Variants in PRIM2 observed in about 807,000 individuals in gnomAD.
PRIM2 encodes DNA primase subunit 2, also known as DNA primase large subunit.
A neutral mutation model predicts 67.3 loss-of-function variants in PRIM2; 39 were observed. The observed-to-expected ratio is 0.58, with a 90% CI of 0.45 to 0.76. PRIM2 has a LOEUF of 0.76. Among genes scored for constraint, PRIM2 ranks in the 30% least tolerant of loss-of-function variants. The pLI is 0.00. For synonymous variants in PRIM2, 143 were observed against 198.7 expected, an observed-to-expected ratio of 0.72 and a Z score of 2.36; for missense variants, 398 against 598.7, an observed-to-expected ratio of 0.66 and a Z score of 3.50.
intron 13 of PRIM2, among the ~76,000 whole-genome samples, chr6:57,644,707 C>T (rs1777304707): frequency 6.6e-6 from 1 of 152,188 alleles, no homozygotes; most frequent in African/African-American, 2.4e-5. Flanking sequence ...TTAGTTAATA[C>T]AAGACAGATG....
At chr6:57,273,564 T>C in the PRIM2 span, among the ~76,000 whole-genome samples, 1 of 152,234 alleles carries the variant, frequency 6.6e-6, no homozygotes, top group Non-Finnish European at 1.5e-5. Flanking sequence ...TCTTTGCCAT[T>C]GGTTCAAACT....
intron 10 of PRIM2, among the ~76,000 whole-genome samples, chr6:57,578,835 C>T (rs1321031716): frequency 5.9e-5 from 9 of 151,596 alleles, no homozygotes; most frequent in Non-Finnish European, 1.2e-4. Flanking sequence ...CGCTACCACG[C>T]CCGGCTAATT....
intron 7 of PRIM2, among the ~76,000 whole-genome samples, chr6:57,487,967 C>T (rs1773792277): frequency 6.6e-6 from 1 of 152,122 alleles, no homozygotes; most frequent in Non-Finnish European, 1.5e-5. Context: ...TTAGTTAATA[C>T]AGTATAGTTT....
chr6:57,366,325 T>A (rs1769356949), intron 5 of PRIM2, among the ~76,000 whole-genome samples: 1 of 152,174 alleles, frequency 6.6e-6, no homozygotes, highest in African/African-American at 2.4e-5. Flanking sequence ...CAAAGTATTT[T>A]AGGGGAAGAA....
chr6:57,418,383 G>GGGTTTT (rs1554336216), intron 7 of PRIM2, among the ~76,000 whole-genome samples: 5 of 47,236 alleles, frequency 1.1e-4, no homozygotes, highest in Non-Finnish European at 2.1e-4. Flanking sequence ...TATGTGTGTG[G>GGGTTTT]TTTTTTTTTT....
At chr6:57,268,588 G>A in the PRIM2 span, among the ~76,000 whole-genome samples, 1 of 151,654 alleles carries the variant, frequency 6.6e-6, no homozygotes, top group East Asian at 1.9e-4. Context: ...GGATATATAT[G>A]TATATATATA....
chr6:57,542,441 G>T lies in PRIM2; in HGVS notation c.1020+4816G>T, dbSNP rs1229741398. Among the ~76,000 whole-genome samples, 8 of 152,262 alleles carry T rather than the reference G, an allele frequency of 5.3e-5. No homozygotes were observed. The East Asian group carries it at 1.2e-3, about 22-fold the overall frequency. On this transcript the variant is annotated intron_variant, in intron 10 of 13. Transcript: ENST00000615550. Reference sequence around the variant, plus strand: ...CCCTGAGTACTAAGTCTTTGGCTTGGACACTTGTTCATTGACCTGCCTTCT... The same window carrying T: ...CCCTGAGTACTAAGTCTTTGGCTTGTACACTTGTTCATTGACCTGCCTTCT...
At chr6:57,245,437 G>A in the PRIM2 span, among the ~76,000 whole-genome samples, 2 of 152,116 alleles carry the variant, frequency 1.3e-5, no homozygotes, top group Non-Finnish European at 2.9e-5. Flanking sequence ...CACTGGAGGT[G>A]CCAGTAAACT....
At chr6:57,632,886 T>G (rs1311917787) in intron 13 of PRIM2, among the ~76,000 whole-genome samples, 3 of 152,088 alleles carry the variant, frequency 2.0e-5, no homozygotes, top group Admixed American at 6.6e-5. Flanking sequence ...TATACACGAG[T>G]CAGGGAAATG....
At chr6:57,351,922 C>T (rs1768870301) in intron 5 of PRIM2, among the ~76,000 whole-genome samples, 2 of 152,190 alleles carry the variant, frequency 1.3e-5, no homozygotes, top group East Asian at 3.8e-4. Context: ...CTGACCCTTT[C>T]AATGCCTCAT....
At chr6:57,508,222 C>T (rs1774289281) in intron 8 of PRIM2, among the ~76,000 whole-genome samples, 1 of 152,170 alleles carries the variant, frequency 6.6e-6, no homozygotes. Context: ...CAGGCATAAG[C>T]CACCGCACCC....
chr6:57,566,877 A>G (rs1775753555), intron 10 of PRIM2, among the ~76,000 whole-genome samples: 1 of 152,120 alleles, frequency 6.6e-6, no homozygotes, highest in Non-Finnish European at 1.5e-5. Context: ...TTGCTCTGCA[A>G]CTTAGCAGCT....
At chr6:57,318,413 G>C (rs749727827) in intron 1 of PRIM2, 24 bp from the exon 2 acceptor site, 1 of 1,512,536 alleles carries the variant, frequency 6.6e-7, no homozygotes, top group Non-Finnish European at 8.9e-7. Context: ...ATCATTTTAC[G>C]CTTTTTGTGT....
chr6:57,255,902 T>C, the PRIM2 span, among the ~76,000 whole-genome samples: 1 of 152,196 alleles, frequency 6.6e-6, no homozygotes, highest in Non-Finnish European at 1.5e-5. Context: ...AATTAATGAA[T>C]TATGTCTCCT....
chr6:57,266,676 CTT>C, the PRIM2 span, among the ~76,000 whole-genome samples: 2 of 152,158 alleles, frequency 1.3e-5, no homozygotes, highest in Non-Finnish European at 1.5e-5. Context: ...TTCTACTTCA[CTT>C]TGAGTGTATA....
chr6:57,613,903 GT>G (rs1295444385), intron 12 of PRIM2, among the ~76,000 whole-genome samples: 3 of 152,138 alleles, frequency 2.0e-5, no homozygotes, highest in Admixed American at 2.0e-4. Context: ...CCAGGCTGGA[GT>G]GCAATGGTGC....
chr6:57,559,454 T>C (rs1367276600), intron 10 of PRIM2, among the ~76,000 whole-genome samples: 1 of 152,192 alleles, frequency 6.6e-6, no homozygotes, highest in Non-Finnish European at 1.5e-5. Context: ...CAAAATTGTA[T>C]CTAAGGGCCT....
At chr6:57,351,168 G>C (rs1422637611) in intron 5 of PRIM2, among the ~76,000 whole-genome samples, 1 of 151,854 alleles carries the variant, frequency 6.6e-6, no homozygotes, top group African/African-American at 2.4e-5. Flanking sequence ...CTTGGGATCA[G>C]ATGTGTTTTG....
At chr6:57,240,101 T>TTG in the PRIM2 span, among the ~76,000 whole-genome samples, 1 of 140,218 alleles carries the variant, frequency 7.1e-6, no homozygotes, top group Non-Finnish European at 1.5e-5. Flanking sequence ...GTTTTTTTTT[T>TTG]TTTTTTTTTT....
Sources: allele counts gnomAD v4.1 joint callset (sites outside exome capture counted in the v4.1 genomes callset), GRCh38; gene constraint gnomAD v4.1.1; transcripts MANE v1.5; gene names NCBI Gene and HGNC (gene_info 2026-07-23, HGNC 2026-07-21).